Variants in MIB2 observed in about 807,000 individuals in gnomAD.
MIB2 encodes E3 ubiquitin-protein ligase MIB2.
Under a neutral mutation model 96.6 loss-of-function variants are expected in MIB2, and 78 were observed. The observed-to-expected ratio is 0.81, with a 90% CI of 0.67 to 0.97. The LOEUF (loss-of-function observed/expected upper bound fraction) is 0.97, where lower values mean the gene tolerates loss of function less well. Among genes scored for constraint, MIB2 ranks in the 50% least tolerant of loss-of-function variants. The pLI is 0.00. For synonymous variants in MIB2, 820 were observed against 629.5 expected (o/e 1.30, Z -4.53); for missense variants, 1,543 against 1,424.0 (o/e 1.08, Z -1.35).
At chr1:1,615,339 G>A (rs1234346028), upstream of MIB2, 6 of 1,394,276 alleles carry the variant, frequency 4.3e-6, no homozygotes, top group African/African-American at 7.7e-5. Flanking sequence ...CCACTGCGCA[G>A]GCGCCCGGAG....
intron 1 of MIB2, 37 bp from the exon 2 acceptor site, chr1:1,616,471 G>A (rs933381101): frequency 2.0e-5 from 29 of 1,445,426 alleles, no homozygotes; most frequent in Non-Finnish European, 2.7e-5. Context: ...GGGTCGAGGT[G>A]CTAACTGTGC....
rs1163528706 is a variant in MIB2, at chr1:1,615,953, TCTGGC to T, written c.-130+332_-130+336del. 1.1e-5 allele frequency: 11 copies of T among 987,380 alleles called. No individual in the cohort carries two copies. In the South Asian group the frequency reaches 3.3e-4, roughly 29 times the overall value. 61.2% of individuals were successfully genotyped at this position (987,380 alleles called of 1,614,324 possible). A position where few individuals can be genotyped will look rare whatever the true frequency, so the allele number is the denominator to read the frequency against. On this transcript the variant is annotated intron_variant, in intron 1 of 19. Coordinates refer to ENST00000355826, the MANE Select transcript of MIB2 (RefSeq NM_001170687.4). ...GTGGGCTGCGGCGCGCGGCAGGCGCTCTGGCCTGGCCTGGCCGCCGCTGAGCAGTC... is the reference window on the plus strand; with the variant it reads ...GTGGGCTGCGGCGCGCGGCAGGCGCTCTGGCCTGGCCGCCGCTGAGCAGTC...
At chr1:1,621,190 G>T (rs554290326) in intron 2 of MIB2, among the ~76,000 whole-genome samples, 4 of 151,678 alleles carry the variant, frequency 2.6e-5, no homozygotes, top group Non-Finnish European at 4.4e-5. Context: ...CAGAGGCCCC[G>T]CGAGGGGAAT....
In MIB2 at chr1:1,625,658, C is replaced by G. The variant is rs777457144; in HGVS notation, c.972+5C>G. 2 of 1,551,604 alleles carry G rather than the reference C, an allele frequency of 1.3e-6. No homozygotes were observed. Among genetic ancestry groups the G allele is most frequent in the Non-Finnish European group, 1.7e-6 (2 of 1,147,006 alleles). The stretch of plus-strand genomic sequence containing the variant: ...CACCCCGGGGCGCTCACCAAGGTGC[C>G]GGGGGGGCTGGGCTGCGCCTCATCT... On this transcript the variant is annotated splice_donor_5th_base_variant and intron_variant, in intron 8 of 19. Transcript: ENST00000355826. This position sits in a 1 kb window ranked among gnomAD's most constrained non-coding sequence, Gnocchi z 5.0.
chr1:1,629,366 C>T lies in MIB2; in HGVS notation c.2382-19C>T. On this transcript the variant is annotated intron_variant, in intron 17 of 19. Coordinates refer to ENST00000355826, the MANE Select transcript of MIB2 (RefSeq NM_001170687.4). ...CGGCGGCCTCCGGGCCCCTCTCAAG[C>T]CGCCTCCTCCCCCTGCAGGGAGCGG... 9.1e-6 allele frequency: 13 copies of T among 1,435,822 alleles called. No homozygotes were observed. The highest frequency in any genetic ancestry group is 1.2e-5 in the Non-Finnish European group (13 of 1,108,078). The allele number at this position is 1,435,822 out of a possible 1,614,324, so 88.9% of individuals were successfully genotyped here.
Position 1,623,737 on chromosome 1 carries a change from G to A in MIB2, c.248-37G>A, listed in dbSNP as rs775121789. On this transcript the variant is annotated intron_variant, in intron 3 of 19. Coordinates refer to ENST00000355826, the MANE Select transcript of MIB2 (RefSeq NM_001170687.4). ...GGCAGGCGGGACGGGCAGGACCCGG[G>A]GGCGGGAACGCCCCTCTGACCCCAC... 8 of 1,539,100 alleles carry A rather than the reference G, an allele frequency of 5.2e-6. No individual in the cohort carries two copies. In the Admixed American group the frequency reaches 9.7e-5, roughly 19 times the overall value.
At position 1,629,468 on chromosome 1, in the gene MIB2, G is replaced by A. The variant is rs972931841; in HGVS notation, c.2465G>A (p.Gly822Asp). ...TPNTVTNLHV[G>D]AAPGPEAAEC... ...AACACCGTGACGAACCTGCACGTGG[G>A]CGCCGCGCCGGGGCCCGAGGCCGCT... Residue 822 changes from glycine (G) to aspartate (D), a missense_variant, in exon 18 of 20, where the codon GGC (glycine) becomes GAC (aspartate). Gly to Asp is a moderately conservative substitution (Grantham distance 94, BLOSUM62 -1). Coordinates refer to ENST00000355826, the MANE Select transcript of MIB2 (RefSeq NM_001170687.4). 5 of 1,531,684 alleles carry A rather than the reference G, an allele frequency of 3.3e-6. No homozygotes were observed. Among genetic ancestry groups the A allele is most frequent in the Admixed American group, 3.9e-5 (2 of 50,832 alleles). 94.9% of individuals were successfully genotyped at this position (1,531,684 alleles called of 1,614,324 possible).
At chr1:1,614,288 CTCCTGCACG>C (rs1337610445), upstream of MIB2, 3 of 152,256 alleles carry the variant, frequency 2.0e-5, no homozygotes, top group Non-Finnish European at 4.4e-5. Flanking sequence ...TCACAAGACG[CTCCTGCACG>C]TCCTGCACGT....
At chr1:1,629,590 G>A in intron 18 of MIB2, 24 bp downstream of exon 18, 1 of 1,563,468 alleles carries the variant, frequency 6.4e-7, no homozygotes, top group Non-Finnish European at 8.7e-7. Flanking sequence ...CCCGGGGTGG[G>A]GAGGCCCGGC....
Position 1,623,850 on chromosome 1 carries a change from G to A in MIB2, c.324G>A (p.Val108=), listed in dbSNP as rs1421564046. 8 of 1,611,632 alleles carry A rather than the reference G, an allele frequency of 5.0e-6. No individual in the cohort carries two copies. Among genetic ancestry groups the A allele is most frequent in the Non-Finnish European group, 5.9e-6 (7 of 1,179,440 alleles). The change falls in exon 4 of 20, where the codon GTG becomes GTA. Residue 108 remains valine (V), a synonymous_variant. Coordinates refer to ENST00000355826, the MANE Select transcript of MIB2 (RefSeq NM_001170687.4). ...GLRGMRWKCR[V]CLDYDLCTQC... ...GGGGGATGCGCTGGAAGTGCCGTGT[G>A]TGCCTGGACTACGACCTCTGCACGC...
intron 16 of MIB2, 154 bp from the exon 17 acceptor site, chr1:1,628,979 C>T (rs973894340): frequency 1.9e-5 from 16 of 862,148 alleles, no homozygotes; most frequent in Non-Finnish European, 2.0e-5. Flanking sequence ...GCAGGGCGCC[C>T]CTCCTGCCTG....
At chr1:1,615,273 G>T, upstream of MIB2, 1 of 1,229,720 alleles carries the variant, frequency 8.1e-7, no homozygotes, top group Non-Finnish European at 1.1e-6. Context: ...GCCAGCGAGC[G>T]CGACGTCGCT....
Position 1,625,097 on chromosome 1 carries a change from C to T in MIB2, c.633C>T (p.Tyr211=). The change falls in exon 6 of 20, where the codon TAC becomes TAT. Residue 211 remains tyrosine (Y), a synonymous_variant. Coordinates refer to ENST00000355826, the MANE Select transcript of MIB2 (RefSeq NM_001170687.4). This position sits in a 1 kb window ranked among gnomAD's most constrained non-coding sequence, Gnocchi z 5.0. ...VTWADGTTNV[Y]RVGHKGKVDL... ...GGGCTGATGGTACCACCAATGTGTA[C>T]CGTGTGGGCCACAAGGGCAAGGTGG... 3.1e-6 allele frequency: 5 copies of T among 1,613,348 alleles called. No individual in the cohort carries two copies. In the South Asian group the frequency reaches 5.5e-5, roughly 18 times the overall value.
At position 1,629,463 on chromosome 1, in the gene MIB2, C is replaced by T. The variant is rs911925723; in HGVS notation, c.2460C>T (p.His820=). The change falls in exon 18 of 20, where the codon CAC becomes CAT. Residue 820 remains histidine, a synonymous_variant. Coordinates refer to ENST00000355826, the MANE Select transcript of MIB2 (RefSeq NM_001170687.4). ...LGTPNTVTNL[H]VGAAPGPEAA... is the part of the protein sequence containing the mutation. ...CCCCCAACACCGTGACGAACCTGCA[C>T]GTGGGCGCCGCGCCGGGGCCCGAGG... is the stretch of plus-strand genomic sequence containing the variant. 1.8e-4 allele frequency: 275 copies of T among 1,531,624 alleles called. No homozygotes were observed. Among genetic ancestry groups the T allele is most frequent in the Non-Finnish European group, 2.3e-4 (266 of 1,145,320 alleles). The allele number at this position is 1,531,624 out of a possible 1,614,324, so 94.9% of individuals were successfully genotyped here.
chr1:1,615,730 C>A, intron 1 of MIB2, 97 bp downstream of exon 1: 1 of 1,488,636 alleles, frequency 6.7e-7, no homozygotes. Flanking sequence ...GTTCCCGCTC[C>A]CGCTGGCCCA....
Position 1,623,592 on chromosome 1 carries a change from C to T in MIB2, c.140C>T (p.Thr47Ile). The change falls in exon 3 of 20, where the codon ACA (threonine) becomes ATA (isoleucine). Residue 47 changes from threonine (T) to isoleucine (I), a missense_variant. By Grantham distance (89) the Thr-to-Ile change is moderately conservative. Coordinates refer to ENST00000355826, the MANE Select transcript of MIB2 (RefSeq NM_001170687.4). ...CTTGGCCGCCACGGCAGCCCCTCGA[C>T]ACCCGACCGCACAGTGGTCGTGCAG... is the stretch of plus-strand genomic sequence containing the variant. ...VELGRHGSPS[T>I]PDRTVVVQWD... The T allele has an allele frequency of 6.6e-7, 1 of 1,506,408 alleles. No homozygotes were observed. Among genetic ancestry groups the T allele is most frequent in the Non-Finnish European group, 8.9e-7 (1 of 1,127,462 alleles). 93.3% of individuals were successfully genotyped at this position (1,506,408 alleles called of 1,614,324 possible). A position where few individuals can be genotyped will look rare whatever the true frequency, so the allele number is the denominator to read the frequency against.
Position 1,625,149 on chromosome 1 carries a change from G to T in MIB2, c.685G>T (p.Gly229Cys). Residue 229 changes from glycine to cysteine, a missense_variant, in exon 6 of 20, where the codon GGC (glycine) becomes TGC (cysteine). By Grantham distance (159) the Gly-to-Cys change is radical (BLOSUM62 -3). Coordinates refer to ENST00000355826, the MANE Select transcript of MIB2 (RefSeq NM_001170687.4). The surrounding 1 kb of genome is among the most constrained non-coding windows in gnomAD (Gnocchi z 5.0). ...VDLKCVGEAA[G>C]GFYYKDHLPR... Reference sequence around the variant, plus strand: ...CCTCAAGTGTGTGGGCGAGGCAGCGGGCGGCTTCTACTACAAGGACCACCT... The same window carrying T: ...CCTCAAGTGTGTGGGCGAGGCAGCGTGCGGCTTCTACTACAAGGACCACCT... 3 of 1,612,580 alleles carry T rather than the reference G, an allele frequency of 1.9e-6. No homozygotes were observed. Among genetic ancestry groups the T allele is most frequent in the Non-Finnish European group, 2.5e-6 (3 of 1,179,534 alleles).
chr1:1,627,247 A>G, intron 11 of MIB2, 40 bp downstream of exon 11: 1 of 1,612,668 alleles, frequency 6.2e-7, no homozygotes, highest in Non-Finnish European at 8.5e-7. Flanking sequence ...GGCCAGTCTG[A>G]GAGTGAGGGG....
chr1:1,626,567 C>A lies in MIB2; in HGVS notation c.973-83C>A. The A allele has an allele frequency of 8.4e-7, 1 of 1,192,824 alleles. No individual in the cohort carries two copies. The highest frequency in any genetic ancestry group is 1.2e-6 in the Non-Finnish European group (1 of 866,618). The allele number at this position is 1,192,824 out of a possible 1,614,324, so 73.9% of individuals were successfully genotyped here. On this transcript the variant is annotated intron_variant, in intron 8 of 19. Coordinates refer to ENST00000355826, the MANE Select transcript of MIB2 (RefSeq NM_001170687.4). This position sits in a 1 kb window ranked among gnomAD's most constrained non-coding sequence, Gnocchi z 5.3. Reference sequence around the variant, plus strand: ...AGTCAGGCCTGCCTGTCTCGTGGAGCTCAGCAGGTTGCCCTCCTGTTGCAT... The same window carrying A: ...AGTCAGGCCTGCCTGTCTCGTGGAGATCAGCAGGTTGCCCTCCTGTTGCAT...
Sources: gnomAD v4.1 joint callset for allele counts (sites outside exome capture counted in the v4.1 genomes callset) on GRCh38, gnomAD v4.1.1 for gene constraint, Gnocchi (gnomAD v3.1) non-coding constraint, MANE v1.5 for transcripts, NCBI Gene and HGNC (gene_info 2026-07-23, HGNC 2026-07-21) for gene names.